Variants in NLGN1 observed in about 807,000 individuals in gnomAD.
NLGN1 encodes the protein neuroligin-1.
A neutral mutation model predicts 65.5 loss-of-function variants in NLGN1; 12 were observed. The ratio of observed to expected loss-of-function variants is 0.18; its 90% CI spans 0.12 to 0.30. The LOEUF is 0.30. Ranked by LOEUF, NLGN1 falls within the 10% of genes least tolerant of loss-of-function variation. The probability of loss-of-function intolerance (pLI) is 1.00; values close to 1 mark genes in which losing one functional copy is unlikely to be tolerated. For missense variants in NLGN1, 750 were observed against 1,007.1 expected (o/e 0.74, Z 3.46); for synonymous variants, 350 against 359.5 (o/e 0.97, Z 0.30).
chr3:173,715,409 C>T (rs1345943742), intron 3 of NLGN1, among the ~76,000 whole-genome samples: 1 of 151,948 alleles, frequency 6.6e-6, no homozygotes. Flanking sequence ...ATAAATATGC[C>T]ACTTCTTTTT....
At position 174,038,075 on chromosome 3, in the gene NLGN1, A is replaced by G. The variant is rs532160643; in HGVS notation, c.646+230243A>G. The stretch of plus-strand genomic sequence containing the variant: ...TCTTATTCAAAGAATGTTATGAGGC[A>G]TGAAGCCTGCTGAAGAATATGAGCT... On this transcript the variant is annotated intron_variant, in intron 4 of 6. Coordinates refer to ENST00000457714, the Ensembl canonical transcript of NLGN1. 2.0e-5 allele frequency among the ~76,000 whole-genome samples: 3 copies of G among 152,264 alleles called. No individual in the cohort carries two copies. In the East Asian group the frequency reaches 5.8e-4, roughly 30 times the overall value.
intron 2 of NLGN1, among the ~76,000 whole-genome samples, chr3:173,552,172 C>T (rs1470522426): frequency 6.6e-6 from 1 of 152,072 alleles, no homozygotes; most frequent in Non-Finnish European, 1.5e-5. Context: ...TTTATTTTCA[C>T]CCTCATGAAA....
At chr3:174,145,528 A>G (rs1225999686) in intron 4 of NLGN1, among the ~76,000 whole-genome samples, 2 of 152,038 alleles carry the variant, frequency 1.3e-5, no homozygotes, top group East Asian at 1.9e-4. Flanking sequence ...AAGAAAAAGA[A>G]AAAAAACAGA....
intron 1 of NLGN1, among the ~76,000 whole-genome samples, chr3:173,411,834 T>C (rs1232122062): frequency 6.6e-6 from 1 of 152,062 alleles, no homozygotes; most frequent in Non-Finnish European, 1.5e-5. Flanking sequence ...ATAGAAAAAT[T>C]AATACTAGTG....
chr3:173,768,582 C>T (rs1035273219), intron 3 of NLGN1, among the ~76,000 whole-genome samples: 1 of 152,070 alleles, frequency 6.6e-6, no homozygotes, highest in Admixed American at 6.6e-5. Context: ...TTTCCTGAGG[C>T]CATCTTTTAA....
At chr3:173,676,826 A>G (rs2149764337) in intron 3 of NLGN1, among the ~76,000 whole-genome samples, 1 of 152,224 alleles carries the variant, frequency 6.6e-6, no homozygotes, top group Non-Finnish European at 1.5e-5. Context: ...CTGATAAGAC[A>G]TTGAGTCCTT....
intron 2 of NLGN1, among the ~76,000 whole-genome samples, chr3:173,503,694 C>CT (rs1731534244): frequency 6.6e-6 from 1 of 151,966 alleles, no homozygotes; most frequent in African/African-American, 2.4e-5. Context: ...ATCATATTAT[C>CT]TTTTTGAGGC....
At chr3:173,623,123 T>A (rs918332969) in intron 3 of NLGN1, among the ~76,000 whole-genome samples, 2 of 152,070 alleles carry the variant, frequency 1.3e-5, no homozygotes, top group African/African-American at 2.4e-5. Flanking sequence ...CAACATATAG[T>A]ATTTAGACCC....
At chr3:174,173,297 T>C (rs1728874966) in intron 4 of NLGN1, among the ~76,000 whole-genome samples, 1 of 152,076 alleles carries the variant, frequency 6.6e-6, no homozygotes, top group South Asian at 2.1e-4. Context: ...GGATGCCCTT[T>C]ATTTTTTTCT....
At chr3:173,564,331 T>C (rs1241096292) in intron 2 of NLGN1, among the ~76,000 whole-genome samples, 1 of 152,242 alleles carries the variant, frequency 6.6e-6, no homozygotes, top group African/African-American at 2.4e-5. Flanking sequence ...AATACAGATT[T>C]TGATTTATCC....
chr3:173,953,050 A>G (rs552011232), intron 4 of NLGN1, among the ~76,000 whole-genome samples: 7 of 152,178 alleles, frequency 4.6e-5, no homozygotes, highest in Non-Finnish European at 4.4e-5. Context: ...AAGTGCTGGT[A>G]TTACAGGCGT....
intron 2 of NLGN1, among the ~76,000 whole-genome samples, chr3:173,460,152 G>A (rs1269992850): frequency 2.0e-5 from 3 of 152,068 alleles, no homozygotes; most frequent in African/African-American, 7.2e-5. Flanking sequence ...ATTGTAATAT[G>A]TAGTTTTATA....
chr3:174,134,701 A>G (rs1424925049), intron 4 of NLGN1, among the ~76,000 whole-genome samples: 1 of 152,158 alleles, frequency 6.6e-6, no homozygotes, highest in East Asian at 1.9e-4. Flanking sequence ...TTGAAGCTGG[A>G]TAGTGTGGAC....
At chr3:173,998,765 T>C (rs1435301566) in intron 4 of NLGN1, among the ~76,000 whole-genome samples, 1 of 152,206 alleles carries the variant, frequency 6.6e-6, no homozygotes, top group Non-Finnish European at 1.5e-5. Flanking sequence ...CCTTTCAGGA[T>C]ACCAGTGGTC....
chr3:173,442,995 G>A (rs1719477257), intron 2 of NLGN1, among the ~76,000 whole-genome samples: 1 of 152,010 alleles, frequency 6.6e-6, no homozygotes, highest in African/African-American at 2.4e-5. Flanking sequence ...GAAGCCAGTT[G>A]GGGTCTATAA....
intron 2 of NLGN1, among the ~76,000 whole-genome samples, chr3:173,491,948 T>C (rs1729241935): frequency 1.3e-5 from 2 of 151,782 alleles, no homozygotes; most frequent in South Asian, 4.1e-4. Context: ...CTACTTAATG[T>C]GACCCACCTG....
At chr3:173,603,949 GT>G (rs1750970958) in intron 2 of NLGN1, among the ~76,000 whole-genome samples, 1 of 152,076 alleles carries the variant, frequency 6.6e-6, no homozygotes, top group South Asian at 2.1e-4. Flanking sequence ...ATTGCTTGAA[GT>G]GATTGAAGAC....
At chr3:173,717,492 C>T (rs1394351740) in intron 3 of NLGN1, among the ~76,000 whole-genome samples, 1 of 152,002 alleles carries the variant, frequency 6.6e-6, no homozygotes, top group Non-Finnish European at 1.5e-5. Context: ...CTGTTTTAGC[C>T]ATGATCCATG....
intron 4 of NLGN1, chr3:174,136,350 A>G (rs1577050195): frequency 6.6e-6 from 1 of 152,098 alleles, no homozygotes; most frequent in South Asian, 2.1e-4. Context: ...TGTTTCCATG[A>G]CCCTATCCCT....
Sources: allele counts gnomAD v4.1 joint callset (sites outside exome capture counted in the v4.1 genomes callset), GRCh38; gene constraint gnomAD v4.1.1; transcripts MANE v1.5; gene names NCBI Gene and HGNC (gene_info 2026-07-23, HGNC 2026-07-21).